The following TAFA1 variants were observed in gnomAD, a reference collection of about 807,000 sequenced individuals.
TAFA1 encodes chemokine-like protein TAFA-1.
Under a neutral mutation model 18.5 loss-of-function variants are expected in TAFA1, and 4 were observed. That is an observed-to-expected ratio of 0.22 (90% CI 0.11 to 0.49). The LOEUF (loss-of-function observed/expected upper bound fraction) is 0.49. Among genes scored for constraint, TAFA1 ranks in the 20% least tolerant of loss-of-function variants. The pLI is 0.98. For synonymous variants in TAFA1, 56 were observed against 55.2 expected, an observed-to-expected ratio of 1.01 and a Z score of -0.06; for missense variants, 147 against 169.0, an observed-to-expected ratio of 0.87 and a Z score of 0.72.
intron 3 of TAFA1, among the ~76,000 whole-genome samples, chr3:68,458,399 T>C (rs1054837617): frequency 6.6e-6 from 1 of 152,162 alleles, no homozygotes; most frequent in Non-Finnish European, 1.5e-5. Context: ...ACATATCTGG[T>C]CTTATTCTAC....
At chr3:68,016,649 C>T (rs1704576621) in intron 2 of TAFA1, among the ~76,000 whole-genome samples, 1 of 152,128 alleles carries the variant, frequency 6.6e-6, no homozygotes, top group South Asian at 2.1e-4. Context: ...CACACAATGA[C>T]AAAATCACCT....
At chr3:68,382,007 T>C (rs1286931460) in intron 2 of TAFA1, among the ~76,000 whole-genome samples, 2 of 152,198 alleles carry the variant, frequency 1.3e-5, no homozygotes, top group African/African-American at 4.8e-5. Flanking sequence ...TCAAAGGCCT[T>C]TTCTGCCTTT....
intron 2 of TAFA1, among the ~76,000 whole-genome samples, chr3:68,288,793 G>A (rs563427024): frequency 6.6e-6 from 1 of 152,328 alleles, no homozygotes; most frequent in African/African-American, 2.4e-5. Context: ...TGATATGGGA[G>A]AGCCAGGGCT....
chr3:68,305,415 ATATATATATATATATAT>A (rs2068392442), intron 2 of TAFA1, among the ~76,000 whole-genome samples: 1 of 29,878 alleles, frequency 3.3e-5, no homozygotes, highest in Admixed American at 3.7e-4. Context: ...ATGACTATAT[ATATATATATATATATAT>A]ATATATATAT....
intron 2 of TAFA1, among the ~76,000 whole-genome samples, chr3:68,139,027 C>T (rs1045809543): frequency 2.6e-5 from 4 of 152,118 alleles, no homozygotes; most frequent in African/African-American, 9.7e-5. Flanking sequence ...TGAGTGTGAC[C>T]ATGTAGAAAC....
At chr3:68,406,907 G>A (rs1290442079) in intron 2 of TAFA1, among the ~76,000 whole-genome samples, 2 of 152,168 alleles carry the variant, frequency 1.3e-5, no homozygotes, top group East Asian at 3.8e-4. Flanking sequence ...TTCCGTGGGG[G>A]TAGACCAGTT....
chr3:68,355,494 C>T (rs1401885399), intron 2 of TAFA1, among the ~76,000 whole-genome samples: 1 of 151,926 alleles, frequency 6.6e-6, no homozygotes, highest in African/African-American at 2.4e-5. Context: ...ATGTGAAGGG[C>T]TTAGACAATA....
At chr3:68,179,521 G>A (rs2066168948) in intron 2 of TAFA1, among the ~76,000 whole-genome samples, 1 of 151,980 alleles carries the variant, frequency 6.6e-6, no homozygotes, top group Non-Finnish European at 1.5e-5. Flanking sequence ...ATTGAACTAG[G>A]GGTTTTCTTT....
intron 3 of TAFA1, among the ~76,000 whole-genome samples, chr3:68,482,393 G>C (rs969418742): frequency 1.3e-5 from 2 of 152,170 alleles, no homozygotes; most frequent in African/African-American, 2.4e-5. Context: ...GGAAGCCTCT[G>C]CAAAAGAGAA....
intron 2 of TAFA1, among the ~76,000 whole-genome samples, chr3:68,195,532 G>A (rs953784138): frequency 6.6e-6 from 1 of 151,340 alleles, no homozygotes; most frequent in Non-Finnish European, 1.5e-5. Context: ...ATTTGGCAAA[G>A]TCCAGAGGCA....
intron 2 of TAFA1, among the ~76,000 whole-genome samples, chr3:68,285,923 G>A (rs1283407696): frequency 1.3e-5 from 2 of 152,142 alleles, no homozygotes; most frequent in African/African-American, 4.8e-5. Flanking sequence ...CACAAAAATA[G>A]TAGACCAGGC....
intron 2 of TAFA1, among the ~76,000 whole-genome samples, chr3:68,225,701 C>A (rs115232589): frequency 6.6e-6 from 1 of 152,116 alleles, no homozygotes; most frequent in Non-Finnish European, 1.5e-5. Context: ...TATTATAAAA[C>A]GTCAGGCAAG....
At chr3:68,304,776 T>A (rs2068373968) in intron 2 of TAFA1, among the ~76,000 whole-genome samples, 1 of 152,176 alleles carries the variant, frequency 6.6e-6, no homozygotes, top group Admixed American at 6.5e-5. Context: ...TTTGGTCAGT[T>A]GGTAAGAGGA....
chr3:68,237,752 G>T (rs1026257750), intron 2 of TAFA1, among the ~76,000 whole-genome samples: 7 of 152,066 alleles, frequency 4.6e-5, no homozygotes, highest in African/African-American at 1.7e-4. Flanking sequence ...ATGTTGAGTT[G>T]GTCAGAGCCC....
At chr3:68,444,771 A>T (rs1017085726) in intron 3 of TAFA1, among the ~76,000 whole-genome samples, 3 of 127,278 alleles carry the variant, frequency 2.4e-5, no homozygotes, top group Non-Finnish European at 5.0e-5. Context: ...GTTTCTACAA[A>T]ATATATATAT....
chr3:68,161,895 A>G (rs999758141), intron 2 of TAFA1, among the ~76,000 whole-genome samples: 1 of 152,154 alleles, frequency 6.6e-6, no homozygotes, highest in Non-Finnish European at 1.5e-5. Flanking sequence ...TGGGTCAGCA[A>G]AACTGGCCCA....
At chr3:68,354,807 A>G (rs2106781881) in intron 2 of TAFA1, among the ~76,000 whole-genome samples, 1 of 152,060 alleles carries the variant, frequency 6.6e-6, no homozygotes, top group South Asian at 2.1e-4. Flanking sequence ...GCGTCTTCAC[A>G]TGATGAAAGG....
intron 2 of TAFA1, among the ~76,000 whole-genome samples, chr3:68,400,034 G>A (rs1294060754): frequency 6.6e-6 from 1 of 152,144 alleles, no homozygotes; most frequent in East Asian, 1.9e-4. Context: ...TTTCCACACA[G>A]CCCAGGTCCA....
At position 68,097,164 on chromosome 3, in the gene TAFA1, C is replaced by T. The variant is rs560228816; in HGVS notation, c.118+90420C>T. Among the ~76,000 whole-genome samples, 3 of 152,194 alleles carry T rather than the reference C, an allele frequency of 2.0e-5. No individual in the cohort carries two copies. In the East Asian group the frequency reaches 5.8e-4, roughly 29 times the overall value. ...ATGAATATATCATAAGAGAAATGAT[C>T]GCCTGACACACAAGCAATGGGAAGT... is the stretch of plus-strand genomic sequence containing the variant. On this transcript the variant is annotated intron_variant, in intron 2 of 4. Coordinates refer to ENST00000478136, the MANE Select transcript of TAFA1 (RefSeq NM_213609.4).
Sources: allele counts gnomAD v4.1 joint callset (sites outside exome capture counted in the v4.1 genomes callset), GRCh38; gene constraint gnomAD v4.1.1; transcripts MANE v1.5; gene names NCBI Gene and HGNC (gene_info 2026-07-23, HGNC 2026-07-21).